The following KCNA3 variants were observed in gnomAD, a reference collection of about 807,000 sequenced individuals.
KCNA3 encodes the protein RP11-284N8.3.
Under a neutral mutation model 34.3 loss-of-function variants are expected in KCNA3, and 18 were observed. The observed-to-expected ratio is 0.52, with a 90% confidence interval of 0.36 to 0.78. The LOEUF (loss-of-function observed/expected upper bound fraction) is 0.78, where lower values mean the gene tolerates loss of function less well. Ranked by LOEUF, KCNA3 falls within the 30% of genes least tolerant of loss-of-function variation. The probability of loss-of-function intolerance (pLI) is 0.00; values close to 1 mark genes in which losing one functional copy is unlikely to be tolerated. For synonymous variants in KCNA3, 324 were observed against 351.7 expected (o/e 0.92, Z 0.88); for missense variants, 587 against 802.5 (o/e 0.73, Z 3.24).
chr1:110,664,343 G>A, the KCNA3 span, among the ~76,000 whole-genome samples: 1 of 152,106 alleles, frequency 6.6e-6, no homozygotes, highest in African/African-American at 2.4e-5. Flanking sequence ...TACCCTCAAT[G>A]ATATCTCATA....
chr1:110,668,042 T>C (rs1273307084), downstream of KCNA3, among the ~76,000 whole-genome samples: 2 of 152,124 alleles, frequency 1.3e-5, no homozygotes, highest in Non-Finnish European at 2.9e-5. Context: ...CCTAAAGGTA[T>C]ATAAAAACAA....
the KCNA3 span, among the ~76,000 whole-genome samples, chr1:110,661,173 C>T: frequency 4.6e-5 from 7 of 152,120 alleles, no homozygotes; most frequent in South Asian, 2.1e-4. Context: ...TTTTAGCAGG[C>T]GCCCAAAACC....
chr1:110,674,543 C>A lies in KCNA3; in HGVS notation c.267G>T (p.Leu89=), dbSNP rs748274705. 6.2e-7 allele frequency: 1 copy of A among 1,601,412 alleles called. No homozygotes were observed. Among genetic ancestry groups the A allele is most frequent in the South Asian group, 1.1e-5 (1 of 90,264 alleles). Residue 89 remains leucine (L), a synonymous_variant, in exon 1 of 1, where the codon CTG becomes CTT. Coordinates refer to ENST00000369769, the MANE Select transcript of KCNA3 (RefSeq NM_002232.5). The surrounding 1 kb of genome is among the most constrained non-coding windows in gnomAD (Gnocchi z 6.4). Reference sequence around the variant, plus strand: ...CGCCCGCGGCCGGCAGTGAGGGCGGCAGCGGCTCGTAGCGGTCGCAGCCGC... The same window carrying A: ...CGCCCGCGGCCGGCAGTGAGGGCGGAAGCGGCTCGTAGCGGTCGCAGCCGC... The part of the protein sequence containing the change: ...GGGGCDRYEP[L]PPSLPAAGEQ...
At position 110,673,882 on chromosome 1, in the gene KCNA3, G is replaced by A; in HGVS notation, c.928C>T (p.Leu310=). The change falls in exon 1 of 1, where the codon CTG becomes TTG. Residue 310 remains leucine, a synonymous_variant. Coordinates refer to ENST00000369769, the MANE Select transcript of KCNA3 (RefSeq NM_002232.5). The surrounding 1 kb of genome is among the most constrained non-coding windows in gnomAD (Gnocchi z 8.8). The part of the protein sequence containing the change: ...TLCIIWFSFE[L]LVRFFACPSK... ...GGACAAGCGAAGAACCGCACCAGCA[G>A]TTCGAAGGAGAACCAGATGATGCAC... is the stretch of plus-strand genomic sequence containing the variant. 6.2e-7 allele frequency: 1 copy of A among 1,614,204 alleles called. No individual in the cohort carries two copies. The highest frequency in any genetic ancestry group is 8.5e-7 in the Non-Finnish European group (1 of 1,180,036).
Position 110,672,876 on chromosome 1 carries a change from G to A in KCNA3, c.*206C>T. ...AGAGAGAGAGGGTAAGAGGGAAAAGGAGAGCTGAGAGAATGCAGCCCACTT... is the reference window on the plus strand; with the variant it reads ...AGAGAGAGAGGGTAAGAGGGAAAAGAAGAGCTGAGAGAATGCAGCCCACTT... On this transcript the variant is annotated 3_prime_UTR_variant, in exon 1 of 1. Transcript: ENST00000369769. 1.8e-6 allele frequency: 1 copy of A among 566,572 alleles called. No homozygotes were observed. Among genetic ancestry groups the A allele is most frequent in the South Asian group, 2.4e-5 (1 of 40,956 alleles). 35.1% of individuals were successfully genotyped at this position (566,572 alleles called of 1,614,324 possible). A position where few individuals can be genotyped will look rare whatever the true frequency, so the allele number is the denominator to read the frequency against.
At chr1:110,660,510 AAGAG>A in the KCNA3 span, among the ~76,000 whole-genome samples, 19 of 150,454 alleles carry the variant, frequency 1.3e-4, no homozygotes, top group South Asian at 6.3e-4. Context: ...TGGAGAGAAA[AAGAG>A]AGAGAGAGAG....
chr1:110,665,338 G>A, the KCNA3 span, among the ~76,000 whole-genome samples: 57 of 152,290 alleles, frequency 3.7e-4, 1 homozygote, highest in East Asian at 4.8e-3. Flanking sequence ...GTGGTAAGGC[G>A]TTTGAAACAT....
At chr1:110,669,061 T>C (rs977533009), downstream of KCNA3, among the ~76,000 whole-genome samples, 3 of 152,200 alleles carry the variant, frequency 2.0e-5, no homozygotes, top group African/African-American at 4.8e-5. Flanking sequence ...TAAAGATCCA[T>C]GGAGTGGTTA....
the KCNA3 span, among the ~76,000 whole-genome samples, chr1:110,658,817 ATAAC>A: frequency 1.3e-5 from 2 of 152,214 alleles, no homozygotes; most frequent in Non-Finnish European, 2.9e-5. Context: ...TGTTGAAAGT[ATAAC>A]TAAATGTTAC....
chr1:110,672,095 G>A (rs1651911065), downstream of KCNA3, among the ~76,000 whole-genome samples: 1 of 152,206 alleles, frequency 6.6e-6, no homozygotes, highest in Non-Finnish European at 1.5e-5. Context: ...CATCTGGAAA[G>A]GTTACTGTGG....
downstream of KCNA3, among the ~76,000 whole-genome samples, chr1:110,670,364 C>T (rs1570799203): frequency 6.6e-6 from 1 of 152,234 alleles, no homozygotes; most frequent in Middle Eastern, 3.4e-3. Context: ...CAGGATATTT[C>T]TCTGGATTAA....
chr1:110,674,024 C>T lies in KCNA3; in HGVS notation c.786G>A (p.Glu262=). ...GCGACGTCGAGGCGGGGTAGTCCTT[C>T]TCGTCGCGGAACTCCGGCAGCGTCT... ...CLETLPEFRD[E]KDYPASTSQD... The change falls in exon 1 of 1, where the codon GAG becomes GAA. Residue 262 remains glutamate (E), a synonymous_variant. Coordinates refer to ENST00000369769, the MANE Select transcript of KCNA3 (RefSeq NM_002232.5). This position sits in a 1 kb window ranked among gnomAD's most constrained non-coding sequence, Gnocchi z 6.4. 6.2e-7 allele frequency: 1 copy of T among 1,610,076 alleles called. No homozygotes were observed. The highest frequency in any genetic ancestry group is 1.1e-5 in the South Asian group (1 of 90,822).
chr1:110,672,821 T>C lies in KCNA3; in HGVS notation c.*261A>G, dbSNP rs1439499102. The C allele has an allele frequency of 2.0e-5, 8 of 409,110 alleles. No individual in the cohort carries two copies. Among genetic ancestry groups the C allele is most frequent in the Non-Finnish European group, 3.0e-5 (7 of 229,664 alleles). The allele number at this position is 409,110 out of a possible 1,614,324, so 25.3% of individuals were successfully genotyped here. ...AATAGGGCGTGTACTAGAAATGAAG[T>C]TTAACGTAAGTCTGTTGTTTACAAT... On this transcript the variant is annotated 3_prime_UTR_variant, in exon 1 of 1. Transcript: ENST00000369769.
At chr1:110,662,061 C>T in the KCNA3 span, among the ~76,000 whole-genome samples, 2 of 136,142 alleles carry the variant, frequency 1.5e-5, no homozygotes, top group South Asian at 2.3e-4. Context: ...TGCAGTGAGC[C>T]GAGACGGTGC....
chr1:110,662,611 C>T, the KCNA3 span, among the ~76,000 whole-genome samples: 9 of 152,190 alleles, frequency 5.9e-5, no homozygotes, highest in South Asian at 4.2e-4. Context: ...ATTTCTTACT[C>T]GATTCTATAT....
chr1:110,662,991 A>G, the KCNA3 span, among the ~76,000 whole-genome samples: 1 of 152,186 alleles, frequency 6.6e-6, no homozygotes, highest in Non-Finnish European at 1.5e-5. Flanking sequence ...AGTCTGACAC[A>G]TAGTCACTCT....
At chr1:110,672,274 G>A (rs1239498320), downstream of KCNA3, among the ~76,000 whole-genome samples, 1 of 152,184 alleles carries the variant, frequency 6.6e-6, no homozygotes, top group Non-Finnish European at 1.5e-5. Context: ...TGATACTGCC[G>A]AAGCTTATCT....
downstream of KCNA3, among the ~76,000 whole-genome samples, chr1:110,667,729 C>T (rs1056788877): frequency 2.6e-5 from 4 of 152,106 alleles, no homozygotes; most frequent in African/African-American, 9.7e-5. Flanking sequence ...CCAGTAAAAT[C>T]ATGAAAACGT....
rs765554293 is a variant in KCNA3, at chr1:110,673,274, G to C, written c.1536C>G (p.Ala512=). 2.5e-6 allele frequency: 4 copies of C among 1,613,872 alleles called. No homozygotes were observed. The South Asian group carries it at 3.3e-5, about 13-fold the overall frequency. The change falls in exon 1 of 1, where the codon GCC becomes GCG. Residue 512 remains alanine (A), a synonymous_variant. Coordinates refer to ENST00000369769, the MANE Select transcript of KCNA3 (RefSeq NM_002232.5). The surrounding 1 kb of genome is among the most constrained non-coding windows in gnomAD (Gnocchi z 8.8). ...VGSCQHLSSS[A]EELRKARSNS... is the part of the protein sequence containing the mutation. ...TACTCCTTGCTTTTCGGAGCTCCTC[G>C]GCTGAAGAGGAGAGGTGCTGGCAAC...
Sources: allele counts gnomAD v4.1 joint callset (sites outside exome capture counted in the v4.1 genomes callset), GRCh38; gene constraint gnomAD v4.1.1; non-coding constraint Gnocchi (gnomAD v3.1); transcripts MANE v1.5; gene names NCBI Gene and HGNC (gene_info 2026-07-23, HGNC 2026-07-21).